Variants in RAD50 observed in about 807,000 individuals in gnomAD.
RAD50 encodes RAD50 double strand break repair protein, also known as DNA repair protein RAD50.
In RAD50, 132 loss-of-function variants were observed where a neutral mutation model predicts 168.8. That is an observed-to-expected ratio of 0.78 (90% CI 0.68 to 0.90). The LOEUF (loss-of-function observed/expected upper bound fraction) is 0.90, where lower values mean the gene tolerates loss of function less well. RAD50 is among the 40% of genes least tolerant of loss of function. RAD50 has a pLI of 0.00. For missense variants in RAD50, 1,347 were observed against 1,534.4 expected, an observed-to-expected ratio of 0.88 and a Z score of 2.04; for synonymous variants, 525 against 497.4, an observed-to-expected ratio of 1.06 and a Z score of -0.74.
At chr5:132,577,766 C>G (rs1561635133) in intron 3 of RAD50, among the ~76,000 whole-genome samples, 1 of 151,248 alleles carries the variant, frequency 6.6e-6, no homozygotes. Flanking sequence ...CCTCTGTTTC[C>G]AGACCCATTT....
intron 13 of RAD50, among the ~76,000 whole-genome samples, chr5:132,596,182 A>T (rs541870870): frequency 2.6e-5 from 4 of 151,826 alleles, no homozygotes; most frequent in Non-Finnish European, 5.9e-5. Flanking sequence ...TTTAGTAGAG[A>T]TGGAGTTTCA....
intron 2 of RAD50, among the ~76,000 whole-genome samples, chr5:132,573,062 G>A (rs1001130957): frequency 6.6e-6 from 1 of 152,192 alleles, no homozygotes; most frequent in African/African-American, 2.4e-5. Context: ...GGACCATGTG[G>A]TAATAATATA....
chr5:132,563,811 G>A (rs1159621811), intron 2 of RAD50, among the ~76,000 whole-genome samples: 2 of 152,184 alleles, frequency 1.3e-5, no homozygotes, highest in Non-Finnish European at 2.9e-5. Context: ...CTGGTGGGAG[G>A]TGATTGAATC....
chr5:132,594,558 A>G (rs1314846769), intron 11 of RAD50, among the ~76,000 whole-genome samples: 1 of 152,222 alleles, frequency 6.6e-6, no homozygotes, highest in Non-Finnish European at 1.5e-5. Flanking sequence ...TTTCTGTCCA[A>G]TAGTCCTAGC....
intron 21 of RAD50, among the ~76,000 whole-genome samples, chr5:132,635,169 C>T (rs1751556179): frequency 6.6e-6 from 1 of 152,182 alleles, no homozygotes; most frequent in African/African-American, 2.4e-5. Context: ...CCACTTTTCT[C>T]TGATCTTGAA....
rs2149841604 is a variant in RAD50, at chr5:132,589,846, T to C, written c.1452+9T>C. On this transcript the variant is annotated intron_variant, in intron 9 of 24. Coordinates refer to ENST00000378823, the MANE Select transcript of RAD50 (RefSeq NM_005732.4). ...AGGAGCTCATAAAAGCTGTAAGATA[T>C]TGTTTGAATAATCTAATAATTTTAA... 1 of 1,598,520 alleles carries C rather than the reference T, an allele frequency of 6.3e-7. No individual in the cohort carries two copies. Among genetic ancestry groups the C allele is most frequent in the Non-Finnish European group, 8.6e-7 (1 of 1,167,414 alleles).
chr5:132,604,723 G>T, intron 15 of RAD50, 83 bp from the exon 16 acceptor site: 2 of 1,186,830 alleles, frequency 1.7e-6, no homozygotes, highest in South Asian at 2.6e-5. Flanking sequence ...GGATTCCATA[G>T]ACCGATAAAA....
At chr5:132,583,149 C>T (rs1750534145) in intron 5 of RAD50, among the ~76,000 whole-genome samples, 1 of 152,154 alleles carries the variant, frequency 6.6e-6, no homozygotes, top group African/African-American at 2.4e-5. Flanking sequence ...TTTCTGAGTA[C>T]AGAATTTTTT....
intron 21 of RAD50, among the ~76,000 whole-genome samples, chr5:132,631,321 T>C (rs558662247): frequency 6.6e-6 from 1 of 152,262 alleles, no homozygotes; most frequent in Admixed American, 6.5e-5. Context: ...AGTTTTACCA[T>C]GTTGGCCAGG....
chr5:132,591,280 A>G lies in RAD50; in HGVS notation c.1509A>G (p.Glu503=). The change falls in exon 10 of 25, where the codon GAA becomes GAG. Residue 503 remains glutamate, a synonymous_variant. Coordinates refer to ENST00000378823, the MANE Select transcript of RAD50 (RefSeq NM_005732.4). ...GCAATGTAGAAACCTTAAAAATGGAAGTAATAAGTCTCCAAAATGAAAAAG... is the reference window on the plus strand; with the variant it reads ...GCAATGTAGAAACCTTAAAAATGGAGGTAATAAGTCTCCAAAATGAAAAAG... The part of the protein sequence containing the change: ...KNSNVETLKM[E]VISLQNEKAD... 6.2e-7 allele frequency: 1 copy of G among 1,613,154 alleles called. No homozygotes were observed. The highest frequency in any genetic ancestry group is 8.5e-7 in the Non-Finnish European group (1 of 1,179,112).
intron 2 of RAD50, among the ~76,000 whole-genome samples, chr5:132,572,035 C>T (rs952531176): frequency 1.3e-5 from 2 of 152,090 alleles, no homozygotes; most frequent in African/African-American, 4.8e-5. Context: ...AATCCTTTTG[C>T]TCTAAAGGAC....
rs191843186 is a variant in RAD50 at position 132,594,454 on chromosome 5, G to A, written c.1794-415G>A. Among the ~76,000 whole-genome samples, 13 of 152,256 alleles carry A rather than the reference G, an allele frequency of 8.5e-5. No individual in the cohort carries two copies. The East Asian group carries it at 1.2e-3, about 14-fold the overall frequency. On this transcript the variant is annotated intron_variant, in intron 11 of 24. Coordinates refer to ENST00000378823, the MANE Select transcript of RAD50 (RefSeq NM_005732.4). Reference sequence around the variant, plus strand: ...CAAGTGGATGACAGCAACAAGGAGGGGGAGGATACAAAAGAAACAGTATTT... The same window carrying A: ...CAAGTGGATGACAGCAACAAGGAGGAGGAGGATACAAAAGAAACAGTATTT...
intron 3 of RAD50, among the ~76,000 whole-genome samples, chr5:132,578,648 T>G (rs1427692853): frequency 6.9e-6 from 1 of 145,618 alleles, no homozygotes; most frequent in Admixed American, 7.0e-5. Context: ...TGCCTCAGCC[T>G]CCCAAGGAGC....
chr5:132,613,404 TGTG>T (rs779733538), intron 19 of RAD50, among the ~76,000 whole-genome samples: 4 of 152,216 alleles, frequency 2.6e-5, no homozygotes, highest in Non-Finnish European at 5.9e-5. Flanking sequence ...GAAAAACATT[TGTG>T]GTATACTATA....
At chr5:132,608,497 A>G (rs1347453384) in intron 16 of RAD50, 118 bp from the exon 17 acceptor site, 1 of 831,922 alleles carries the variant, frequency 1.2e-6, no homozygotes, top group Non-Finnish European at 1.9e-6. Flanking sequence ...AAAGGAGCAA[A>G]TGAGTTGACT....
chr5:132,587,186 C>A (rs2706358), intron 5 of RAD50, among the ~76,000 whole-genome samples: 10,469 of 152,202 alleles, frequency 0.069, 1,132 homozygotes, highest in African/African-American at 0.23. Flanking sequence ...GGTAACTCAC[C>A]ATGAATTTCT....
intron 2 of RAD50, among the ~76,000 whole-genome samples, chr5:132,563,230 C>G (rs1343414204): frequency 6.6e-6 from 1 of 152,106 alleles, no homozygotes; most frequent in African/African-American, 2.4e-5. Context: ...TGACTCTGGA[C>G]AGAAACATTG....
chr5:132,609,511 G>A, intron 19 of RAD50, 115 bp downstream of exon 19: 1 of 1,493,822 alleles, frequency 6.7e-7, no homozygotes, highest in Non-Finnish European at 9.0e-7. Context: ...GCCAAGCGTG[G>A]TGGCTCACAC....
intron 2 of RAD50, among the ~76,000 whole-genome samples, chr5:132,575,367 C>G (rs577711454): frequency 1.8e-4 from 27 of 152,246 alleles, no homozygotes; most frequent in Admixed American, 1.6e-3. Flanking sequence ...AGACCTGTCC[C>G]CATGATTCAA....
Sources: gnomAD v4.1 joint callset for allele counts (sites outside exome capture counted in the v4.1 genomes callset) on GRCh38, gnomAD v4.1.1 for gene constraint, MANE v1.5 for transcripts, NCBI Gene and HGNC (gene_info 2026-07-23, HGNC 2026-07-21) for gene names.